Variants in CCDC15 observed in about 807,000 individuals in gnomAD.
CCDC15 encodes the protein coiled-coil domain-containing protein 15.
Under a neutral mutation model 114.5 loss-of-function variants are expected in CCDC15, and 105 were observed. The observed-to-expected ratio is 0.92, with a 90% confidence interval of 0.78 to 1.08. CCDC15 has a LOEUF of 1.08. CCDC15 is among the 50% of genes least tolerant of loss of function. The probability of loss-of-function intolerance (pLI) is 0.00; values close to 1 mark genes in which losing one functional copy is unlikely to be tolerated. For synonymous variants in CCDC15, 334 were observed against 377.8 expected (o/e 0.88, Z 1.34); for missense variants, 1,105 against 1,093.6 (o/e 1.01, Z -0.15).
chr11:124,992,704 T>G lies in CCDC15; in HGVS notation c.2139+17T>G. ...AGAGAACAGGTAGAACCGAATACAG[T>G]AGGAGGACTGTATACCTTCTAAAAG... is the stretch of plus-strand genomic sequence containing the variant. On this transcript the variant is annotated intron_variant, in intron 10 of 15. Transcript: ENST00000344762. 7.3e-7 allele frequency: 1 copy of G among 1,365,312 alleles called. No homozygotes were observed. The highest frequency in any genetic ancestry group is 1.0e-6 in the Non-Finnish European group (1 of 972,508). The allele number at this position is 1,365,312 out of a possible 1,614,324, so 84.6% of individuals were successfully genotyped here. A position where few individuals can be genotyped will look rare whatever the true frequency, so the allele number is the denominator to read the frequency against.
chr11:125,004,981 C>T (rs1948536465), intron 12 of CCDC15, 128 bp from the exon 13 acceptor site: 1 of 495,124 alleles, frequency 2.0e-6, no homozygotes, highest in Admixed American at 4.0e-5. Flanking sequence ...AAGACTTAAT[C>T]ATGTAACTTC....
At chr11:124,959,358 A>T (rs866848083) in intron 3 of CCDC15, 94 bp downstream of exon 3, 46 of 1,043,438 alleles carry the variant, frequency 4.4e-5, no homozygotes, top group South Asian at 2.2e-4. Flanking sequence ...CTTTCCTTTG[A>T]TTACATGCCT....
chr11:125,014,847 G>A (rs1303818083), intron 13 of CCDC15, among the ~76,000 whole-genome samples: 1 of 152,078 alleles, frequency 6.6e-6, no homozygotes, highest in Non-Finnish European at 1.5e-5. Context: ...AAGAAAAGTG[G>A]AAACATTTAT....
At chr11:125,006,879 A>G (rs1948556008) in intron 13 of CCDC15, among the ~76,000 whole-genome samples, 1 of 151,986 alleles carries the variant, frequency 6.6e-6, no homozygotes, top group Admixed American at 6.6e-5. Context: ...TGTTCCATTG[A>G]TCTATTTGTC....
intron 13 of CCDC15, among the ~76,000 whole-genome samples, chr11:125,008,264 T>C (rs147690102): frequency 2.0e-4 from 30 of 152,352 alleles, no homozygotes; most frequent in African/African-American, 4.8e-5. Context: ...GACTTATACC[T>C]AAATCTTTCA....
chr11:124,956,823 C>T (rs565184114), intron 2 of CCDC15, among the ~76,000 whole-genome samples: 35 of 152,278 alleles, frequency 2.3e-4, no homozygotes, highest in African/African-American at 6.0e-4. Context: ...CCCTTATTAA[C>T]GGATATAGCT....
At chr11:125,039,365 T>C (rs1948800118) in intron 15 of CCDC15, 3 of 278,076 alleles carry the variant, frequency 1.1e-5, no homozygotes, top group Admixed American at 9.5e-5. Flanking sequence ...TTGCCTTTTA[T>C]GTAAGTTAGG....
chr11:125,002,196 A>G (rs1482523061), intron 11 of CCDC15, among the ~76,000 whole-genome samples: 1 of 152,146 alleles, frequency 6.6e-6, no homozygotes, highest in Non-Finnish European at 1.5e-5. Context: ...GACCATTTGT[A>G]TATCTTGTTT....
Position 125,005,183 on chromosome 11 carries a change from G to A in CCDC15, c.2382G>A (p.Arg794=), listed in dbSNP as rs115746747. The A allele has an allele frequency of 1.0e-3, 1,627 of 1,558,104 alleles. 22 individuals are homozygous for A. In the African/African-American group the frequency reaches 0.02, roughly 19 times the overall value. ...GAGAACAAGTTAAAGAACAACAAAG[G>A]CAAAAAGAACAAAAGAAGAAAATTG... ...IEREQVKEQQ[R]QKEQKKKIEK... is the part of the protein sequence containing the mutation. The change falls in exon 13 of 16, where the codon AGG becomes AGA. Residue 794 remains arginine (R), a synonymous_variant. Transcript: ENST00000344762.
intron 3 of CCDC15, 21 bp from the exon 4 acceptor site, chr11:124,959,794 C>T (rs773222311): frequency 6.5e-7 from 1 of 1,530,766 alleles, no homozygotes; most frequent in African/African-American, 1.4e-5. Flanking sequence ...TGTTACTATC[C>T]CCCTTTCTTC....
At chr11:125,036,566 C>A (rs1037696423) in intron 13 of CCDC15, among the ~76,000 whole-genome samples, 1 of 152,158 alleles carries the variant, frequency 6.6e-6, no homozygotes, top group African/African-American at 2.4e-5. Flanking sequence ...CTACCCTCAT[C>A]TTTCGATTTC....
chr11:125,005,163 C>A lies in CCDC15; in HGVS notation c.2362C>A (p.Gln788Lys), dbSNP rs1236963786. 7.6e-6 allele frequency: 12 copies of A among 1,573,988 alleles called. No homozygotes were observed. The highest frequency in any genetic ancestry group is 9.5e-6 in the Non-Finnish European group (11 of 1,155,812). The change falls in exon 13 of 16, where the codon CAA becomes AAA. Residue 788 changes from glutamine to lysine, a missense_variant. Gln to Lys is a moderately conservative substitution (Grantham distance 53, BLOSUM62 1). Transcript: ENST00000344762. ...RRLFMDIEREQVKEQQRQKEQ... is the reference protein window; with the variant it reads ...RRLFMDIEREKVKEQQRQKEQ... ...ACTTTTCATGGATATTGAGAGAGAA[C>A]AAGTTAAAGAACAACAAAGGCAAAA...
chr11:124,971,064 C>G (rs935673447), intron 4 of CCDC15, among the ~76,000 whole-genome samples: 4 of 152,118 alleles, frequency 2.6e-5, no homozygotes, highest in Non-Finnish European at 5.9e-5. Context: ...AGGAAGTTGC[C>G]TAAGGCCGCC....
chr11:124,970,031 T>C lies in CCDC15; in HGVS notation c.517-5065T>C, dbSNP rs538236305. Reference sequence around the variant, plus strand: ...TCCAGGACATGGGACTTTTCAGTGCTAAAACTGAGACAGTTCTAGGTAAAC... The same window carrying C: ...TCCAGGACATGGGACTTTTCAGTGCCAAAACTGAGACAGTTCTAGGTAAAC... On this transcript the variant is annotated intron_variant, in intron 4 of 15. Transcript: ENST00000344762. Among the ~76,000 whole-genome samples the C allele has an allele frequency of 7.2e-5, 11 of 152,360 alleles. No homozygotes were observed. The South Asian group carries it at 1.7e-3, about 23-fold the overall frequency.
intron 13 of CCDC15, among the ~76,000 whole-genome samples, chr11:125,034,061 G>A (rs1329914154): frequency 6.6e-6 from 1 of 152,188 alleles, no homozygotes; most frequent in African/African-American, 2.4e-5. Context: ...AGCTCCTGAG[G>A]AGAATCAACT....
chr11:124,977,420 C>T (rs1475494260), intron 5 of CCDC15, 58 bp from the exon 6 acceptor site: 3 of 1,434,338 alleles, frequency 2.1e-6, no homozygotes, highest in Non-Finnish European at 2.8e-6. Flanking sequence ...TCAACTTAGT[C>T]TCATGAATAT....
intron 11 of CCDC15, among the ~76,000 whole-genome samples, chr11:124,995,933 G>A (rs1382234764): frequency 6.6e-6 from 1 of 151,848 alleles, no homozygotes; most frequent in African/African-American, 2.4e-5. Flanking sequence ...GGGTTCAAGT[G>A]ATTCTTGTGC....
At chr11:124,980,606 C>T (rs1379077299) in intron 6 of CCDC15, among the ~76,000 whole-genome samples, 3 of 152,096 alleles carry the variant, frequency 2.0e-5, no homozygotes, top group Non-Finnish European at 4.4e-5. Flanking sequence ...TTCTGTGAGG[C>T]CAGTGGTAAT....
chr11:125,009,292 A>G (rs1270150676), intron 13 of CCDC15, among the ~76,000 whole-genome samples: 1 of 152,158 alleles, frequency 6.6e-6, no homozygotes, highest in Non-Finnish European at 1.5e-5. Flanking sequence ...TGTTATTGAC[A>G]TACTATGCAT....
Sources: gnomAD v4.1 joint callset for allele counts (sites outside exome capture counted in the v4.1 genomes callset) on GRCh38, gnomAD v4.1.1 for gene constraint, MANE v1.5 for transcripts, NCBI Gene and HGNC (gene_info 2026-07-23, HGNC 2026-07-21) for gene names.